The following CLPSL1 variants were observed in gnomAD, a reference collection of about 807,000 sequenced individuals.
CLPSL1 encodes the protein colipase-like protein 1.
Under a neutral mutation model 9.3 loss-of-function variants are expected in CLPSL1, and 13 were observed. The ratio of observed to expected loss-of-function variants is 1.40; its 90% CI spans 0.91 to 2.22. The LOEUF (loss-of-function observed/expected upper bound fraction) is 2.22, where lower values mean the gene tolerates loss of function less well. Among genes scored for constraint, CLPSL1 ranks in the 30% most tolerant of loss-of-function variants. CLPSL1 has a pLI of 0.00. For synonymous variants in CLPSL1, 58 were observed against 56.9 expected, an observed-to-expected ratio of 1.02 and a Z score of -0.08; for missense variants, 164 against 146.6, an observed-to-expected ratio of 1.12 and a Z score of -0.61.
intron 1 of CLPSL1, among the ~76,000 whole-genome samples, chr6:35,786,638 G>A (rs1047804638): frequency 6.6e-6 from 1 of 152,014 alleles, no homozygotes; most frequent in Non-Finnish European, 1.5e-5. Flanking sequence ...ATGCATGTAG[G>A]TGACCATCAG....
At chr6:35,785,351 G>A (rs1349737112) in intron 1 of CLPSL1, among the ~76,000 whole-genome samples, 1 of 151,810 alleles carries the variant, frequency 6.6e-6, no homozygotes, top group Non-Finnish European at 1.5e-5. Flanking sequence ...CTAATTTTTT[G>A]TATTTTTAGT....
rs775144382 is a variant in CLPSL1 at position 35,787,066 on chromosome 6, T to C, written c.168T>C (p.Asn56=). 22 of 1,607,288 alleles carry C rather than the reference T, an allele frequency of 1.4e-5. No individual in the cohort carries two copies. Among genetic ancestry groups the C allele is most frequent in the Middle Eastern group, 3.3e-4 (2 of 6,076 alleles). ...ETGCCQRAPD[N]CESHCAEKGS... ...GCTGCTGCCAACGTGCTCCAGACAA[T>C]TGCGAGTCGCACTGCGCGGAGAAGG... is the stretch of plus-strand genomic sequence containing the variant. The change falls in exon 2 of 3, where the codon AAT becomes AAC. Residue 56 remains asparagine (N), a synonymous_variant. Coordinates refer to ENST00000373861, the MANE Select transcript of CLPSL1 (RefSeq NM_001010886.5).
downstream of CLPSL1, among the ~76,000 whole-genome samples, chr6:35,789,125 A>G (rs1457503302): frequency 2.0e-5 from 3 of 152,278 alleles, no homozygotes; most frequent in East Asian, 3.8e-4. Flanking sequence ...CCATTGTGTT[A>G]TGTGAGCTCT....
intron 1 of CLPSL1, among the ~76,000 whole-genome samples, chr6:35,786,137 C>A (rs1462332676): frequency 1.3e-5 from 2 of 151,948 alleles, no homozygotes. Context: ...TGGTGGCGCA[C>A]GGCTGTAATC....
chr6:35,792,218 G>C (rs1428382507), downstream of CLPSL1, among the ~76,000 whole-genome samples: 1 of 152,134 alleles, frequency 6.6e-6, no homozygotes, highest in Admixed American at 6.5e-5. Flanking sequence ...AGGCTGTAGT[G>C]AGCCATGATC....
intron 1 of CLPSL1, among the ~76,000 whole-genome samples, chr6:35,784,609 T>A (rs1486567624): frequency 2.6e-5 from 4 of 152,178 alleles, no homozygotes; most frequent in Non-Finnish European, 5.9e-5. Context: ...CAACAAAATT[T>A]AAAATTCAAG....
chr6:35,791,228 A>C (rs146868294), downstream of CLPSL1, among the ~76,000 whole-genome samples: 95 of 152,384 alleles, frequency 6.2e-4, no homozygotes, highest in African/African-American at 2.1e-3. Flanking sequence ...AGAGATTTGT[A>C]GGGAATAAAG....
At chr6:35,785,844 G>A (rs976047053) in intron 1 of CLPSL1, among the ~76,000 whole-genome samples, 2 of 151,768 alleles carry the variant, frequency 1.3e-5, no homozygotes, top group African/African-American at 2.4e-5. Flanking sequence ...CAGCTACACG[G>A]GAGGCTGAGC....
chr6:35,790,810 G>A (rs115590886), downstream of CLPSL1, among the ~76,000 whole-genome samples: 2,701 of 151,688 alleles, frequency 0.018, 1 homozygote, highest in African/African-American at 0.036. Context: ...CATTTAGGCA[G>A]ACAAAGGAGT....
rs1038078200 is a variant in CLPSL1 at position 35,781,139 on chromosome 6, T to C, written c.29T>C (p.Leu10Pro). The change falls in exon 1 of 3, where the codon CTG (leucine) becomes CCG (proline). Residue 10 changes from leucine (L) to proline (P), a missense_variant. By Grantham distance (98) the Leu-to-Pro change is moderately conservative. Transcript: ENST00000373861. ...ATGCTACCCCAATGGCTGCTGCTGC[T>C]GTTCCTTCTCTTCTTCTTTCTCTTC... MMLPQWLLL[L>P]FLLFFFLFLL... 1.9e-6 allele frequency: 3 copies of C among 1,614,084 alleles called. No individual in the cohort carries two copies. The highest frequency in any genetic ancestry group is 1.7e-6 in the Non-Finnish European group (2 of 1,179,950).
intron 1 of CLPSL1, among the ~76,000 whole-genome samples, chr6:35,783,559 C>T (rs1768009273): frequency 6.6e-6 from 1 of 151,840 alleles, no homozygotes; most frequent in South Asian, 2.1e-4. Context: ...GTAATCCCAG[C>T]ATTTTGGGAG....
intron 1 of CLPSL1, among the ~76,000 whole-genome samples, chr6:35,785,068 T>C (rs1255603847): frequency 1.3e-5 from 2 of 152,112 alleles, no homozygotes; most frequent in Non-Finnish European, 1.5e-5. Context: ...ACATGCGCAG[T>C]GTCCTCCTTA....
At position 35,787,084 on chromosome 6, in the gene CLPSL1, G is replaced by C. The variant is rs1768094323; in HGVS notation, c.186G>C (p.Ala62=). 31 of 1,610,280 alleles carry C rather than the reference G, an allele frequency of 1.9e-5. No homozygotes were observed. The highest frequency in any genetic ancestry group is 2.5e-5 in the Non-Finnish European group (30 of 1,179,166). ...CAGACAATTGCGAGTCGCACTGCGC[G>C]GAGAAGGGGTCCGAGGGCAGTCTGT... ...RAPDNCESHC[A]EKGSEGSLCQ... is the part of the protein sequence containing the mutation. The change falls in exon 2 of 3, where the codon GCG becomes GCC. Residue 62 remains alanine, a synonymous_variant. Transcript: ENST00000373861.
downstream of CLPSL1, among the ~76,000 whole-genome samples, chr6:35,789,908 AT>A (rs534881513): frequency 6.4e-3 from 970 of 152,156 alleles, 8 homozygotes; most frequent in African/African-American, 0.018. Context: ...AAAAAAATTA[AT>A]TTGAGGAAAT....
chr6:35,790,677 T>G (rs1768168616), downstream of CLPSL1, among the ~76,000 whole-genome samples: 1 of 152,264 alleles, frequency 6.6e-6, no homozygotes, highest in Non-Finnish European at 1.5e-5. Context: ...TATAGTTTCG[T>G]GACCTGACTG....
At chr6:35,783,216 A>T (rs1033674202) in intron 1 of CLPSL1, among the ~76,000 whole-genome samples, 6 of 151,836 alleles carry the variant, frequency 4.0e-5, no homozygotes, top group Non-Finnish European at 7.4e-5. Flanking sequence ...ATGTACTTTT[A>T]AAAAAAAATT....
At chr6:35,790,091 T>C (rs1391225844), downstream of CLPSL1, among the ~76,000 whole-genome samples, 1 of 152,202 alleles carries the variant, frequency 6.6e-6, no homozygotes, top group African/African-American at 2.4e-5. Context: ...CACACCTAAC[T>C]AATTTTTAAG....
At chr6:35,791,616 A>G (rs963243771), downstream of CLPSL1, among the ~76,000 whole-genome samples, 6 of 152,200 alleles carry the variant, frequency 3.9e-5, no homozygotes, top group South Asian at 2.1e-4. Context: ...TCCAAAAAAA[A>G]AAAAAGAAAA....
chr6:35,782,449 G>A (rs1767984175), intron 1 of CLPSL1, among the ~76,000 whole-genome samples: 1 of 152,162 alleles, frequency 6.6e-6, no homozygotes, highest in South Asian at 2.1e-4. Flanking sequence ...GTTGCTAGCG[G>A]GGGAAATAAA....
Sources: gnomAD v4.1 joint callset for allele counts (sites outside exome capture counted in the v4.1 genomes callset) on GRCh38, gnomAD v4.1.1 for gene constraint, MANE v1.5 for transcripts, NCBI Gene and HGNC (gene_info 2026-07-23, HGNC 2026-07-21) for gene names.